Variants in IPO9 observed in about 807,000 individuals in gnomAD.
IPO9 encodes the protein importin 9, also known as importin-9.
A neutral mutation model predicts 128.6 loss-of-function variants in IPO9; 28 were observed. The observed-to-expected ratio is 0.22, with a 90% CI of 0.16 to 0.30. The LOEUF is 0.30. IPO9 is among the 10% of genes least tolerant of loss of function. The pLI is 1.00. For synonymous variants in IPO9, 455 were observed against 475.8 expected (o/e 0.96, Z 0.57); for missense variants, 935 against 1,293.9 (o/e 0.72, Z 4.26).
At chr1:201,836,926 G>T (rs1205629284) in intron 1 of IPO9, among the ~76,000 whole-genome samples, 1 of 152,194 alleles carries the variant, frequency 6.6e-6, no homozygotes, top group Admixed American at 6.5e-5. Context: ...TAACAATGAT[G>T]ATGTTATTTG....
intron 19 of IPO9, among the ~76,000 whole-genome samples, chr1:201,871,645 G>A (rs992534295): frequency 6.6e-6 from 1 of 151,828 alleles, no homozygotes; most frequent in Non-Finnish European, 1.5e-5. Flanking sequence ...CACCCACTTC[G>A]GCCTCCCACA....
chr1:201,864,864 CTT>C (rs1175574996), intron 14 of IPO9, among the ~76,000 whole-genome samples: 3 of 152,044 alleles, frequency 2.0e-5, no homozygotes, highest in South Asian at 4.1e-4. Context: ...GTGAAGAAAA[CTT>C]TTATTTTTAA....
intron 4 of IPO9, 92 bp downstream of exon 4, chr1:201,848,686 T>C: frequency 8.3e-7 from 1 of 1,204,622 alleles, no homozygotes; most frequent in South Asian, 1.3e-5. Context: ...CCTGGACCAG[T>C]AGGAATTGCT....
Position 201,874,273 on chromosome 1 carries a change from C to G in IPO9, c.2734C>G (p.Pro912Ala). The G allele has an allele frequency of 6.2e-7, 1 of 1,613,908 alleles. No individual in the cohort carries two copies. Among genetic ancestry groups the G allele is most frequent in the Non-Finnish European group, 8.5e-7 (1 of 1,179,858 alleles). The part of the protein sequence containing the change: ...AKNPERWTNI[P>A]LLVKILKLII... ...AGACCCAGAACGCTGGACAAACATTCCTTTGCTGGTCAAGATCCTAAAGCT... is the reference window on the plus strand; with the variant it reads ...AGACCCAGAACGCTGGACAAACATTGCTTTGCTGGTCAAGATCCTAAAGCT... The change falls in exon 21 of 24, where the codon CCT becomes GCT. Residue 912 changes from proline (P) to alanine (A), a missense_variant. Physicochemically the swap from Pro to Ala is conservative, Grantham distance 27 (BLOSUM62 -1). Transcript: ENST00000361565.
intron 14 of IPO9, among the ~76,000 whole-genome samples, 171 bp downstream of exon 14, chr1:201,863,778 G>A (rs1389869693): frequency 3.9e-5 from 6 of 152,198 alleles, no homozygotes; most frequent in Non-Finnish European, 1.5e-5. Context: ...TGGCTTTTGT[G>A]AGTCCAGAAG....
intron 11 of IPO9, among the ~76,000 whole-genome samples, 198 bp downstream of exon 11, chr1:201,857,392 A>G (rs569425271): frequency 1.4e-4 from 21 of 152,242 alleles, no homozygotes; most frequent in Admixed American, 3.9e-4. Flanking sequence ...GTTCTAACTT[A>G]AAACTAAATA....
chr1:201,870,193 A>T lies in IPO9; in HGVS notation c.2134-390A>T, dbSNP rs1001756900. Among the ~76,000 whole-genome samples, 1 of 152,186 alleles carries T rather than the reference A, an allele frequency of 6.6e-6. No individual in the cohort carries two copies. The highest frequency in any genetic ancestry group is 1.5e-5 in the Non-Finnish European group (1 of 68,028). On this transcript the variant is annotated intron_variant, in intron 17 of 23. Coordinates refer to ENST00000361565, the MANE Select transcript of IPO9 (RefSeq NM_018085.5). This position sits in a 1 kb window ranked among gnomAD's most constrained non-coding sequence, Gnocchi z 4.9. The stretch of plus-strand genomic sequence containing the variant: ...CCAGTGAATATTGATCAGCTTGGAA[A>T]TCCCTAGGCAACTAGTGGTTTGTGT...
At chr1:201,847,444 G>A (rs12042456) in intron 2 of IPO9, 104 bp downstream of exon 2, 56,412 of 1,352,680 alleles carry the variant, frequency 0.042, 3,247 homozygotes, top group East Asian at 0.3. Context: ...AACCTAGGAT[G>A]TTGTGCCAGA....
chr1:201,859,774 A>T (rs535437915), intron 13 of IPO9, among the ~76,000 whole-genome samples: 4 of 152,270 alleles, frequency 2.6e-5, no homozygotes, highest in African/African-American at 9.6e-5. Flanking sequence ...AGCCTGGCCA[A>T]CTTGGCGAAA....
intron 15 of IPO9, among the ~76,000 whole-genome samples, chr1:201,867,596 G>A (rs989413198): frequency 6.6e-6 from 1 of 151,562 alleles, no homozygotes; most frequent in African/African-American, 2.4e-5. Context: ...TGTATGTATA[G>A]ATAGGTATGT....
At position 201,877,428 on chromosome 1, in the gene IPO9, G is replaced by A. The variant is rs540866105; in HGVS notation, c.*1374G>A. 1 of 151,996 alleles carries A rather than the reference G, an allele frequency of 6.6e-6. No homozygotes were observed. The highest frequency in any genetic ancestry group is 1.5e-5 in the Non-Finnish European group (1 of 68,006). 9.4% of individuals were successfully genotyped at this position (151,996 alleles called of 1,614,324 possible). A position where few individuals can be genotyped will look rare whatever the true frequency, so the allele number is the denominator to read the frequency against. Reference sequence around the variant, plus strand: ...TGAGGCAGGAGAATCGCTTGAACTTGGGAAGCAGAGGTTGCAGTGAACCGA... The same window carrying A: ...TGAGGCAGGAGAATCGCTTGAACTTAGGAAGCAGAGGTTGCAGTGAACCGA... On this transcript the variant is annotated 3_prime_UTR_variant, in exon 24 of 24. Transcript: ENST00000361565.
In IPO9 at chr1:201,847,270, C is replaced by A. The variant is rs1181511788; in HGVS notation, c.164-9C>A. ...GTACTCTTAGACTCAATAAAATTTT[C>A]TCTTTCAGAATTTGGTGTTCACTTG... On this transcript the variant is annotated splice_polypyrimidine_tract_variant and intron_variant, in intron 1 of 23. Coordinates refer to ENST00000361565, the MANE Select transcript of IPO9 (RefSeq NM_018085.5). 4 of 1,612,120 alleles carry A rather than the reference C, an allele frequency of 2.5e-6. No homozygotes were observed. The East Asian group carries it at 6.7e-5, about 27-fold the overall frequency.
intron 13 of IPO9, among the ~76,000 whole-genome samples, chr1:201,859,781 G>A (rs980418489): frequency 6.6e-6 from 1 of 152,012 alleles, no homozygotes; most frequent in Non-Finnish European, 1.5e-5. Flanking sequence ...CCAACTTGGC[G>A]AAACCCCATC....
At chr1:201,853,549 T>A (rs1680265143) in intron 6 of IPO9, among the ~76,000 whole-genome samples, 1 of 149,560 alleles carries the variant, frequency 6.7e-6, no homozygotes. Flanking sequence ...GTATTTTTTT[T>A]ATTTATTTGG....
In IPO9 at chr1:201,847,606, G is replaced by C. The variant is rs767501129; in HGVS notation, c.280G>C (p.Glu94Gln). The C allele has an allele frequency of 2.5e-6, 4 of 1,613,832 alleles. No homozygotes were observed. The highest frequency in any genetic ancestry group is 2.2e-5 in the East Asian group (1 of 44,884). ...GGAGACTCACTGGTGTGCCCAATCA[G>C]AGAAATTTAGGCCTCCTGAAACTAC... ...YVETHWCAQSEKFRPPETTER... is the reference protein window; with the variant it reads ...YVETHWCAQSQKFRPPETTER... Residue 94 changes from glutamate to glutamine, a missense_variant, in exon 3 of 24, where the codon GAG (glutamate) becomes CAG (glutamine). By Grantham distance (29) the Glu-to-Gln change is conservative. This residue lies in a region of IPO9 where 741 missense variants were observed against 1,019.1 expected (regional missense o/e 0.73). Coordinates refer to ENST00000361565, the MANE Select transcript of IPO9 (RefSeq NM_018085.5).
chr1:201,875,327 T>G, intron 23 of IPO9, 99 bp downstream of exon 23: 1 of 1,081,234 alleles, frequency 9.2e-7, no homozygotes, highest in South Asian at 1.3e-5. Flanking sequence ...TGGTGGCTCA[T>G]GCCTGTAATC....
chr1:201,878,410 C>CT lies in IPO9; in HGVS notation c.*2357dup, dbSNP rs1352576987. ...AAGGCTTAAGGCTCCCACACACAGA[C>CT]TGAGAATGATGGGGGTCCCTCTGCG... is the stretch of plus-strand genomic sequence containing the variant. On this transcript the variant is annotated 3_prime_UTR_variant, in exon 24 of 24. Transcript: ENST00000361565. The CT allele has an allele frequency of 2.0e-5, 3 of 152,652 alleles. No individual in the cohort carries two copies. The highest frequency in any genetic ancestry group is 4.4e-5 in the Non-Finnish European group (3 of 68,044). 9.5% of individuals were successfully genotyped at this position (152,652 alleles called of 1,614,324 possible).
In IPO9 at chr1:201,874,387, T is replaced by TA. The variant is rs758606150; in HGVS notation, c.2833+16dup. 7 of 1,603,432 alleles carry TA rather than the reference T, an allele frequency of 4.4e-6. No individual in the cohort carries two copies. The highest frequency in any genetic ancestry group is 6.0e-6 in the Non-Finnish European group (7 of 1,174,298). On this transcript the variant is annotated intron_variant, in intron 21 of 23. Transcript: ENST00000361565. The stretch of plus-strand genomic sequence containing the variant: ...GTGGAGTCAAGGTGCACCAGGCCCT[T>TA]ACTCCCAGGAGACTTTTAGCCTGGC...
At chr1:201,862,411 T>C (rs962239223) in intron 13 of IPO9, among the ~76,000 whole-genome samples, 2 of 151,294 alleles carry the variant, frequency 1.3e-5, no homozygotes, top group Non-Finnish European at 2.9e-5. Context: ...TGAGCTGAGA[T>C]TGTGCCACTA....
Sources: allele counts gnomAD v4.1 joint callset (sites outside exome capture counted in the v4.1 genomes callset), GRCh38; gene constraint gnomAD v4.1.1; regional missense constraint gnomAD v4.1.1; non-coding constraint Gnocchi (gnomAD v3.1); transcripts MANE v1.5; gene names NCBI Gene and HGNC (gene_info 2026-07-23, HGNC 2026-07-21).